The following PSME4 variants were observed in gnomAD, a reference collection of about 807,000 sequenced individuals.
PSME4 encodes proteasome activator subunit 4, also known as proteasome activator complex subunit 4.
Under a neutral mutation model 253.9 loss-of-function variants are expected in PSME4, and 89 were observed. That is an observed-to-expected ratio of 0.35 (90% CI 0.30 to 0.42). The LOEUF is 0.42. Among genes scored for constraint, PSME4 ranks in the 10% least tolerant of loss-of-function variants. The pLI is 1.00. For missense variants in PSME4, 2,014 were observed against 2,195.2 expected (o/e 0.92, Z 1.65); for synonymous variants, 851 against 759.2 (o/e 1.12, Z -1.99).
At position 53,898,488 on chromosome 2, in the gene PSME4, G is replaced by A. The variant is rs935084919; in HGVS notation, c.3423-134C>T. Reference sequence around the variant, plus strand: ...CCCACCACCTGACTGTAAACGGCCTGATGAGAAGCAAGCCAGAATGAAAGT... The same window carrying A: ...CCCACCACCTGACTGTAAACGGCCTAATGAGAAGCAAGCCAGAATGAAAGT... On this transcript the variant is annotated intron_variant, in intron 29 of 46. Transcript: ENST00000404125. 8 of 622,788 alleles carry A rather than the reference G, an allele frequency of 1.3e-5. No individual in the cohort carries two copies. The African/African-American group carries it at 1.3e-4, about 10-fold the overall frequency. The allele number at this position is 622,788 out of a possible 1,614,324, so 38.6% of individuals were successfully genotyped here.
chr2:53,947,108 T>A (rs1669747738), intron 3 of PSME4, among the ~76,000 whole-genome samples: 2 of 152,212 alleles, frequency 1.3e-5, no homozygotes, highest in Admixed American at 6.5e-5. Flanking sequence ...ACCTTACTTG[T>A]GCAAAACTGT....
chr2:53,917,106 A>G (rs1668095258), intron 20 of PSME4, among the ~76,000 whole-genome samples: 1 of 150,804 alleles, frequency 6.6e-6, no homozygotes, highest in South Asian at 2.1e-4. Context: ...GTTTAAATAA[A>G]TATACATATA....
chr2:53,883,175 T>C (rs962189881), intron 41 of PSME4, among the ~76,000 whole-genome samples: 1 of 152,200 alleles, frequency 6.6e-6, no homozygotes, highest in Non-Finnish European at 1.5e-5. Flanking sequence ...TACTGAAATT[T>C]TCCACAAACT....
chr2:53,884,210 C>A (rs954186072), intron 41 of PSME4, among the ~76,000 whole-genome samples: 17 of 152,074 alleles, frequency 1.1e-4, no homozygotes, highest in Middle Eastern at 3.4e-3. Flanking sequence ...GTACAGCTTT[C>A]TTTTCTTTTC....
At chr2:53,970,172 G>C (rs922832886) in intron 1 of PSME4, among the ~76,000 whole-genome samples, 1 of 152,144 alleles carries the variant, frequency 6.6e-6, no homozygotes, top group Non-Finnish European at 1.5e-5. Flanking sequence ...AATTCTCTTT[G>C]CCCCGCCTCT....
At chr2:53,877,247 CAAAAAAAAAA>C (rs1204678801) in intron 41 of PSME4, among the ~76,000 whole-genome samples, 1 of 50,392 alleles carries the variant, frequency 2.0e-5, no homozygotes, top group Non-Finnish European at 4.4e-5. Context: ...CCTGCCTCTA[CAAAAAAAAAA>C]AAAAAAAAAA....
chr2:53,955,752 T>G (rs1173161709), intron 1 of PSME4, among the ~76,000 whole-genome samples: 1 of 151,782 alleles, frequency 6.6e-6, no homozygotes, highest in African/African-American at 2.4e-5. Flanking sequence ...CGAGACCTCG[T>G]GCCTACAAGA....
In PSME4 at chr2:53,937,447, A is replaced by G. The variant is rs193125032; in HGVS notation, c.639T>C (p.Tyr213=). 1.8e-5 allele frequency: 29 copies of G among 1,610,654 alleles called. No homozygotes were observed. Among genetic ancestry groups the G allele is most frequent in the Non-Finnish European group, 2.3e-5 (27 of 1,177,760 alleles). ...GGGAGGTAGGAAGAAATATTTCAAA[A>G]TAAGTGATGGCCTTTTGCATGGTTA... is the stretch of plus-strand genomic sequence containing the variant. ...FDVTMQKAIT[Y]FEIFLPTSLP... The change falls in exon 5 of 47, where the codon TAT becomes TAC. Residue 213 remains tyrosine, a synonymous_variant. Coordinates refer to ENST00000404125, the MANE Select transcript of PSME4 (RefSeq NM_014614.3).
intron 11 of PSME4, among the ~76,000 whole-genome samples, chr2:53,927,711 C>CCT (rs1422455277): frequency 6.6e-6 from 1 of 152,150 alleles, no homozygotes; most frequent in African/African-American, 2.4e-5. Context: ...CTTTGGGAGG[C>CCT]TGAGGCGGGT....
intron 1 of PSME4, 132 bp downstream of exon 1, chr2:53,970,411 G>A: frequency 6.9e-7 from 1 of 1,447,166 alleles, no homozygotes; most frequent in Non-Finnish European, 9.2e-7. Context: ...ACGACCCTGG[G>A]ATCACCGCTC....
At chr2:53,886,824 G>T (rs1283514487) in intron 40 of PSME4, among the ~76,000 whole-genome samples, 1 of 151,514 alleles carries the variant, frequency 6.6e-6, no homozygotes, top group Non-Finnish European at 1.5e-5. Context: ...CAGATGAATG[G>T]GTAACAGATT....
At chr2:53,868,516 A>AT (rs533839900) in intron 44 of PSME4, among the ~76,000 whole-genome samples, 262 of 59,772 alleles carry the variant, frequency 4.4e-3, no homozygotes, top group African/African-American at 0.012. Flanking sequence ...TATAAAATAT[A>AT]TTTATAATAT....
chr2:53,949,931 T>C (rs977583541), intron 1 of PSME4, among the ~76,000 whole-genome samples: 12 of 152,222 alleles, frequency 7.9e-5, no homozygotes, highest in African/African-American at 2.7e-4. Flanking sequence ...TTAACTATTT[T>C]ATATCTATTC....
chr2:53,896,951 T>TG, intron 31 of PSME4, 66 bp from the exon 32 acceptor site: 21 of 1,182,150 alleles, frequency 1.8e-5, no homozygotes, highest in Non-Finnish European at 2.5e-5. Flanking sequence ...TTGTCTGCTT[T>TG]ACTCAAAGCA....
chr2:53,897,602 T>C (rs1045143113), intron 31 of PSME4, among the ~76,000 whole-genome samples: 1 of 152,194 alleles, frequency 6.6e-6, no homozygotes, highest in Non-Finnish European at 1.5e-5. Context: ...TGAAACACAC[T>C]GCACACCTAA....
At position 53,968,126 on chromosome 2, in the gene PSME4, G is replaced by T. The variant is rs1322056736; in HGVS notation, c.242+2417C>A. Among the ~76,000 whole-genome samples, 6 of 151,660 alleles carry T rather than the reference G, an allele frequency of 4.0e-5. No homozygotes were observed. The South Asian group carries it at 1.2e-3, about 32-fold the overall frequency. ...TGTCTCTACTAAAAATACAAAAAAA[G>T]TAGCCAGGCATGGTGGCACTCGCCT... On this transcript the variant is annotated intron_variant, in intron 1 of 46. Coordinates refer to ENST00000404125, the MANE Select transcript of PSME4 (RefSeq NM_014614.3).
At chr2:53,892,653 A>T (rs2104427596) in intron 36 of PSME4, among the ~76,000 whole-genome samples, 155 bp downstream of exon 36, 1 of 152,324 alleles carries the variant, frequency 6.6e-6, no homozygotes, top group South Asian at 2.1e-4. Context: ...TTAGGCTGTA[A>T]TCTGTAATCA....
intron 19 of PSME4, 106 bp downstream of exon 19, chr2:53,920,087 T>G (rs1053221014): frequency 9.6e-7 from 1 of 1,044,886 alleles, no homozygotes; most frequent in African/African-American, 1.6e-5. Flanking sequence ...ATAGCAGATT[T>G]TCAAAACACA....
At chr2:53,890,879 T>A (rs1679874231) in intron 36 of PSME4, among the ~76,000 whole-genome samples, 1 of 152,028 alleles carries the variant, frequency 6.6e-6, no homozygotes, top group Admixed American at 6.6e-5. Flanking sequence ...AAATAAAGAT[T>A]AGCTGAGCGT....
Sources: allele counts gnomAD v4.1 joint callset (sites outside exome capture counted in the v4.1 genomes callset), GRCh38; gene constraint gnomAD v4.1.1; transcripts MANE v1.5; gene names NCBI Gene and HGNC (gene_info 2026-07-23, HGNC 2026-07-21).